Variants in MSH3 observed in about 807,000 individuals in gnomAD.
MSH3 encodes the protein mutS homolog 3.
A neutral mutation model predicts 123.3 loss-of-function variants in MSH3; 106 were observed. The ratio of observed to expected loss-of-function variants is 0.86; its 90% CI spans 0.73 to 1.01. The LOEUF (loss-of-function observed/expected upper bound fraction) is 1.01, where lower values mean the gene tolerates loss of function less well. Among genes scored for constraint, MSH3 ranks in the 50% least tolerant of loss-of-function variants. MSH3 has a pLI of 0.00. For synonymous variants in MSH3, 515 were observed against 481.4 expected (o/e 1.07, Z -0.91); for missense variants, 1,459 against 1,347.6 (o/e 1.08, Z -1.29).
chr5:80,791,518 T>TGGGTTGAAAACCC (rs1391324791), intron 18 of MSH3, among the ~76,000 whole-genome samples: 1 of 152,206 alleles, frequency 6.6e-6, no homozygotes, highest in Non-Finnish European at 1.5e-5. Context: ...ATTTCAGATA[T>TGGGTTGAAAACCC]ATATGCCTTG....
chr5:80,829,106 C>CA (rs1193629812), intron 20 of MSH3, among the ~76,000 whole-genome samples: 2 of 152,228 alleles, frequency 1.3e-5, no homozygotes, highest in Non-Finnish European at 2.9e-5. Context: ...TTTATGAGGG[C>CA]AGAGCCCTCA....
chr5:80,680,843 A>C (rs7719004), intron 8 of MSH3, among the ~76,000 whole-genome samples: 19 of 152,018 alleles, frequency 1.2e-4, no homozygotes, highest in Non-Finnish European at 1.9e-4. Context: ...AGTACATGAC[A>C]TTGTCATATA....
chr5:80,673,286 T>G (rs899647471), intron 6 of MSH3, among the ~76,000 whole-genome samples: 2 of 152,190 alleles, frequency 1.3e-5, no homozygotes, highest in Non-Finnish European at 2.9e-5. Flanking sequence ...CCCAGCACTT[T>G]GGGAGACTGA....
intron 12 of MSH3, among the ~76,000 whole-genome samples, chr5:80,756,263 A>G (rs1288902104): frequency 6.6e-6 from 1 of 152,210 alleles, no homozygotes; most frequent in Non-Finnish European, 1.5e-5. Flanking sequence ...GAAAACAACA[A>G]CAACAAAGCA....
Position 80,672,310 on chromosome 5 carries a change from A to C in MSH3, c.859A>C (p.Thr287Pro). Reference protein sequence around the residue: ...DHNFMTASIPTHRLFVHVRRL... With the variant: ...DHNFMTASIPPHRLFVHVRRL... ...CAACTTTATGACAGCAAGTATACCT[A>C]CTCACAGACTGTTTGTTCATGTACG... The change falls in exon 5 of 24, where the codon ACT becomes CCT. Residue 287 changes from threonine to proline, a missense_variant. Physicochemically the swap from Thr to Pro is conservative, Grantham distance 38 (BLOSUM62 -1). Coordinates refer to ENST00000265081, the MANE Select transcript of MSH3 (RefSeq NM_002439.5). 2 of 1,614,068 alleles carry C rather than the reference A, an allele frequency of 1.2e-6. No homozygotes were observed. Among genetic ancestry groups the C allele is most frequent in the South Asian group, 1.1e-5 (1 of 91,074 alleles).
At chr5:80,815,735 TACCTTTC>T (rs916993363) in intron 20 of MSH3, among the ~76,000 whole-genome samples, 7 of 152,180 alleles carry the variant, frequency 4.6e-5, no homozygotes, top group African/African-American at 1.7e-4. Flanking sequence ...CCAGAAAACT[TACCTTTC>T]ACTGACCAGA....
At chr5:80,792,368 G>T (rs1210271574) in intron 18 of MSH3, among the ~76,000 whole-genome samples, 1 of 150,624 alleles carries the variant, frequency 6.6e-6, no homozygotes, top group Non-Finnish European at 1.5e-5. Context: ...TCTGTGAATA[G>T]TCACTGCACT....
chr5:80,782,008 T>C lies in MSH3; in HGVS notation c.2435+3172T>C, dbSNP rs139265090. Among the ~76,000 whole-genome samples the C allele has an allele frequency of 6.7e-3, 1,015 of 152,334 alleles. 3 individuals are homozygous for C. Among genetic ancestry groups the C allele is most frequent in the African/African-American group, 0.023 (958 of 41,560 alleles). ...AAAGTATGATACAGTTTTATATGTG[T>C]ATATTTACATAATGCACAGCATACA... On this transcript the variant is annotated intron_variant, in intron 17 of 23. Transcript: ENST00000265081.
chr5:80,703,165 G>GGAAT (rs1422448805), intron 8 of MSH3, among the ~76,000 whole-genome samples: 90 of 152,280 alleles, frequency 5.9e-4, no homozygotes, highest in African/African-American at 2.1e-3. Flanking sequence ...GACAGGTTTA[G>GGAAT]GAATGTACAT....
intron 12 of MSH3, among the ~76,000 whole-genome samples, chr5:80,748,829 G>A (rs945121134): frequency 2.0e-5 from 3 of 151,854 alleles, no homozygotes; most frequent in African/African-American, 7.3e-5. Context: ...CGTGAGATGA[G>A]TCTGTGTTCC....
At chr5:80,825,678 C>A (rs1485926674) in intron 20 of MSH3, among the ~76,000 whole-genome samples, 1 of 152,082 alleles carries the variant, frequency 6.6e-6, no homozygotes, top group Non-Finnish European at 1.5e-5. Context: ...TAGAATCCCA[C>A]CACCAGTGTT....
Position 80,831,834 on chromosome 5 carries a change from C to T in MSH3, c.2813+18093C>T, listed in dbSNP as rs189289019. On this transcript the variant is annotated intron_variant, in intron 20 of 23. Transcript: ENST00000265081. Reference sequence around the variant, plus strand: ...ACTCTTAAAACCTCTCCAGGTTGGGCGTGGTGGCTGACTCCTGTAATCCCA... The same window carrying T: ...ACTCTTAAAACCTCTCCAGGTTGGGTGTGGTGGCTGACTCCTGTAATCCCA... Among the ~76,000 whole-genome samples, 653 of 152,254 alleles carry T rather than the reference C, an allele frequency of 4.3e-3. 5 individuals are homozygous for T. Among genetic ancestry groups the T allele is most frequent in the African/African-American group, 0.015 (605 of 41,558 alleles).
intron 8 of MSH3, among the ~76,000 whole-genome samples, chr5:80,679,861 A>C (rs1749931231): frequency 6.6e-6 from 1 of 152,138 alleles, no homozygotes; most frequent in Admixed American, 6.6e-5. Context: ...AGAGACCAGA[A>C]AGGTGTGCTG....
In MSH3 at chr5:80,875,935, C is replaced by T; in HGVS notation, c.*73C>T. On this transcript the variant is annotated 3_prime_UTR_variant, in exon 24 of 24. Coordinates refer to ENST00000265081, the MANE Select transcript of MSH3 (RefSeq NM_002439.5). ...ACTGTACAAAATAACTCTCCAGTAACAGCCTATCTTTGTGTGACATGTGAG... is the reference window on the plus strand; with the variant it reads ...ACTGTACAAAATAACTCTCCAGTAATAGCCTATCTTTGTGTGACATGTGAG... The T allele has an allele frequency of 2.2e-6, 2 of 889,270 alleles. No homozygotes were observed. The highest frequency in any genetic ancestry group is 1.4e-5 in the South Asian group (1 of 71,688). 55.1% of individuals were successfully genotyped at this position (889,270 alleles called of 1,614,324 possible).
At chr5:80,719,518 G>A (rs1461456049) in intron 8 of MSH3, among the ~76,000 whole-genome samples, 4 of 151,994 alleles carry the variant, frequency 2.6e-5, no homozygotes, top group East Asian at 1.9e-4. Context: ...CCACCATGTC[G>A]ACAATCCTGG....
intron 10 of MSH3, among the ~76,000 whole-genome samples, chr5:80,739,752 A>G (rs1421754782): frequency 6.6e-6 from 1 of 152,220 alleles, no homozygotes; most frequent in Non-Finnish European, 1.5e-5. Context: ...GCATTGAGTT[A>G]CTAGGCAACG....
chr5:80,821,198 G>A (rs1745200495), intron 20 of MSH3, among the ~76,000 whole-genome samples: 1 of 152,102 alleles, frequency 6.6e-6, no homozygotes, highest in African/African-American at 2.4e-5. Context: ...TCTGTTCACG[G>A]TAAACTCCTA....
intron 8 of MSH3, among the ~76,000 whole-genome samples, chr5:80,682,140 T>TA (rs1480821831): frequency 6.6e-6 from 1 of 152,216 alleles, no homozygotes; most frequent in African/African-American, 2.4e-5. Context: ...AATTTATATC[T>TA]ATGGACAGAA....
At position 80,768,842 on chromosome 5, in the gene MSH3, G is replaced by A. The variant is rs1744168013; in HGVS notation, c.2092G>A (p.Asp698Asn). 6.2e-7 allele frequency: 1 copy of A among 1,605,626 alleles called. No homozygotes were observed. ...CATGTTTTGATTTTTTAGAGTTGGG[G>A]ATAAAACTGAATTATTTAAAGACCT... is the stretch of plus-strand genomic sequence containing the variant. ...ILNEQAAKVGDKTELFKDLSD... is the reference protein window; with the variant it reads ...ILNEQAAKVGNKTELFKDLSD... The change falls in exon 15 of 24, where the codon GAT becomes AAT. Residue 698 changes from aspartate (D) to asparagine (N), a missense_variant. By Grantham distance (23) the Asp-to-Asn change is conservative. Coordinates refer to ENST00000265081, the MANE Select transcript of MSH3 (RefSeq NM_002439.5).
Sources: allele counts gnomAD v4.1 joint callset (sites outside exome capture counted in the v4.1 genomes callset), GRCh38; gene constraint gnomAD v4.1.1; transcripts MANE v1.5; gene names NCBI Gene and HGNC (gene_info 2026-07-23, HGNC 2026-07-21).